MGAT5B: variants seen among roughly 807,000 people sequenced by gnomAD.
The protein encoded by MGAT5B is alpha-1,6-mannosylglycoprotein 6-beta-N-acetylglucosaminyltransferase B.
A neutral mutation model predicts 95.1 loss-of-function variants in MGAT5B; 54 were observed. The observed-to-expected ratio is 0.57, with a 90% CI of 0.46 to 0.71. MGAT5B has a LOEUF of 0.71. Ranked by LOEUF, MGAT5B falls within the 30% of genes least tolerant of loss-of-function variation. The probability of loss-of-function intolerance (pLI) is 0.00; values close to 1 mark genes in which losing one functional copy is unlikely to be tolerated. For synonymous variants in MGAT5B, 464 were observed against 451.0 expected (o/e 1.03, Z -0.36); for missense variants, 935 against 1,088.6 (o/e 0.86, Z 1.99).
At chr17:76,932,885 C>G in intron 11 of MGAT5B, 110 bp downstream of exon 11, 2 of 1,456,764 alleles carry the variant, frequency 1.4e-6, no homozygotes, top group African/African-American at 1.4e-5. Flanking sequence ...CGCCCCAGCC[C>G]TGCATGCTGG....
intron 3 of MGAT5B, among the ~76,000 whole-genome samples, chr17:76,891,220 C>G (rs1967856157): frequency 6.6e-6 from 1 of 152,020 alleles, no homozygotes; most frequent in Non-Finnish European, 1.5e-5. Context: ...CTGCCTTGGC[C>G]TCTCAAACTG....
At chr17:76,875,636 G>A (rs913308327) in intron 2 of MGAT5B, among the ~76,000 whole-genome samples, 1 of 136,846 alleles carries the variant, frequency 7.3e-6, no homozygotes, top group Non-Finnish European at 1.5e-5. Flanking sequence ...TCTTGTATGC[G>A]GTTGTAGTCA....
In MGAT5B at chr17:76,904,365, G is replaced by C. The variant is rs1968439068; in HGVS notation, c.633G>C (p.Leu211=). ...LSEVEWFCPP[L]PWRNQTAAQR... ...AGGTCGAGTGGTTCTGCCCCCCGCT[G>C]CCCTGGAGGAACCAGACGGCTGCCC... The change falls in exon 6 of 18, where the codon CTG becomes CTC. Residue 211 remains leucine (L), a synonymous_variant. Transcript: ENST00000569840. 1 of 1,583,902 alleles carries C rather than the reference G, an allele frequency of 6.3e-7. No homozygotes were observed. Among genetic ancestry groups the C allele is most frequent in the Non-Finnish European group, 8.6e-7 (1 of 1,165,226 alleles).
At chr17:76,922,686 C>T (rs963849515) in intron 8 of MGAT5B, among the ~76,000 whole-genome samples, 1 of 152,198 alleles carries the variant, frequency 6.6e-6, no homozygotes, top group African/African-American at 2.4e-5. Context: ...GCTGAAGAGG[C>T]AGGCACTGCC....
intron 8 of MGAT5B, among the ~76,000 whole-genome samples, chr17:76,919,955 T>G (rs566938916): frequency 6.3e-4 from 96 of 152,322 alleles, no homozygotes; most frequent in African/African-American, 2.2e-3. Flanking sequence ...TGGATTAATT[T>G]GGGCACAGTG....
rs754324770 is a variant in MGAT5B at position 76,925,096 on chromosome 17, C to G, written c.1156C>G (p.Arg386Gly). ...RHMGLSFKKY[R>G]CRIRVIDTFG... ...CATGGGACTCTCCTTCAAGAAGTAC[C>G]GGTGAGAGGGCGGCCAGAGGGTGGG... The change falls in exon 9 of 18, where the codon CGG becomes GGG. Residue 386 changes from arginine to glycine, a missense_variant and splice_region_variant. Physicochemically the swap from Arg to Gly is moderately radical, Grantham distance 125. Around this residue, in one of 4 missense-constraint regions of MGAT5B, gnomAD observed 243 missense variants for 305.5 expected, o/e 0.80. Transcript: ENST00000569840. 2 of 1,610,772 alleles carry G rather than the reference C, an allele frequency of 1.2e-6. No homozygotes were observed. Among genetic ancestry groups the G allele is most frequent in the East Asian group, 2.2e-5 (1 of 44,716 alleles).
At position 76,893,046 on chromosome 17, in the gene MGAT5B, C is replaced by T. The variant is rs111715635; in HGVS notation, c.330-9509C>T. Among the ~76,000 whole-genome samples, 641 of 152,240 alleles carry T rather than the reference C, an allele frequency of 4.2e-3. 8 individuals carry two copies. In the South Asian group the frequency reaches 0.049, roughly 12 times the overall value. On this transcript the variant is annotated intron_variant, in intron 3 of 17. Coordinates refer to ENST00000569840, the MANE Select transcript of MGAT5B (RefSeq NM_001199172.2). Reference sequence around the variant, plus strand: ...TTCTAATGTGTGGGTGTGGACATCCCGGAGCTGCCCAGCTCACCTGTTACT... The same window carrying T: ...TTCTAATGTGTGGGTGTGGACATCCTGGAGCTGCCCAGCTCACCTGTTACT...
Position 76,903,860 on chromosome 17 carries a change from GC to G in MGAT5B, c.520-389del, listed in dbSNP as rs891095836. On this transcript the variant is annotated intron_variant, in intron 5 of 17. Transcript: ENST00000569840. ...TCTGGGATCACTGCAGGTGGATCCC[GC>G]CCTGGCTCCAGCCCTGGCCGCCTTG... Among the ~76,000 whole-genome samples the G allele has an allele frequency of 3.9e-5, 6 of 152,324 alleles. No individual in the cohort carries two copies. In the East Asian group the frequency reaches 1.2e-3, roughly 29 times the overall value.
chr17:76,942,040 A>G (rs1732517250), intron 15 of MGAT5B, among the ~76,000 whole-genome samples: 1 of 152,196 alleles, frequency 6.6e-6, no homozygotes, highest in South Asian at 2.1e-4. Flanking sequence ...AGGTGGAGTC[A>G]CCGGTGACGG....
At position 76,929,638 on chromosome 17, in the gene MGAT5B, C is replaced by G. The variant is rs377240582; in HGVS notation, c.1291+2908C>G. Among the ~76,000 whole-genome samples the G allele has an allele frequency of 3.9e-5, 6 of 152,176 alleles. No homozygotes were observed. In the East Asian group the frequency reaches 9.6e-4, roughly 24 times the overall value. ...GAGAACATTAATTGATTGGATAAAT[C>G]GAAGAAAGTGGGGACAAAAGGGAAG... On this transcript the variant is annotated intron_variant, in intron 10 of 17. Transcript: ENST00000569840.
At chr17:76,919,630 C>T (rs1249533387) in intron 8 of MGAT5B, among the ~76,000 whole-genome samples, 1 of 152,140 alleles carries the variant, frequency 6.6e-6, no homozygotes, top group African/African-American at 2.4e-5. Context: ...GGGGTTTCGC[C>T]ATGTCATCCA....
intron 2 of MGAT5B, among the ~76,000 whole-genome samples, chr17:76,879,897 A>G (rs551961832): frequency 6.6e-6 from 1 of 152,328 alleles, no homozygotes; most frequent in Admixed American, 6.5e-5. Flanking sequence ...GTTATGAGCG[A>G]TGGCTCACCA....
At chr17:76,896,928 T>TC (rs914026229) in intron 3 of MGAT5B, among the ~76,000 whole-genome samples, 9 of 149,114 alleles carry the variant, frequency 6.0e-5, no homozygotes, top group Admixed American at 2.7e-4. Flanking sequence ...TCTCTCTCTC[T>TC]TTTTTTTTTA....
rs1433325578 is a variant in MGAT5B, at chr17:76,889,209, C to T, written c.329+6911C>T. 1.3e-5 allele frequency among the ~76,000 whole-genome samples: 2 copies of T among 152,090 alleles called. No individual in the cohort carries two copies. Among genetic ancestry groups the T allele is most frequent in the African/African-American group, 4.8e-5 (2 of 41,404 alleles). On this transcript the variant is annotated intron_variant, in intron 3 of 17. Transcript: ENST00000569840. The surrounding 1 kb of genome is among the most constrained non-coding windows in gnomAD (Gnocchi z 4.4). ...AGGGGCAGTGTCAGCCCTGGGAGCT[C>T]GCCGTGTGACCTTGGGAAAGCCACT...
At chr17:76,872,435 G>T (rs1967041973) in intron 1 of MGAT5B, among the ~76,000 whole-genome samples, 1 of 152,232 alleles carries the variant, frequency 6.6e-6, no homozygotes, top group Admixed American at 6.5e-5. Flanking sequence ...CAGCTTGCTT[G>T]CTCCACCCCA....
intron 16 of MGAT5B, among the ~76,000 whole-genome samples, chr17:76,946,675 G>A (rs914556311): frequency 6.6e-6 from 1 of 152,250 alleles, no homozygotes; most frequent in African/African-American, 2.4e-5. Flanking sequence ...TGCTGTCTGG[G>A]CCCAGCCTTA....
At chr17:76,890,021 C>T (rs142361338) in intron 3 of MGAT5B, among the ~76,000 whole-genome samples, 134 of 152,344 alleles carry the variant, frequency 8.8e-4, no homozygotes, top group African/African-American at 3.0e-3. Flanking sequence ...TTGGCCATGC[C>T]GTGGGTGGTC....
rs572160773 is a variant in MGAT5B at position 76,906,300 on chromosome 17, C to T, written c.1025+113C>T. On this transcript the variant is annotated intron_variant, in intron 8 of 17. Transcript: ENST00000569840. The surrounding 1 kb of genome is among the most constrained non-coding windows in gnomAD (Gnocchi z 4.6). ...GCACCTGCTCTGCCTGCAGGTCCCA[C>T]GGCCCTGAGACCCTGGGAGACATCC... is the stretch of plus-strand genomic sequence containing the variant. 1.4e-4 allele frequency: 138 copies of T among 1,016,814 alleles called. 2 individuals are homozygous for T. In the South Asian group the frequency reaches 1.7e-3, roughly 13 times the overall value. The allele number at this position is 1,016,814 out of a possible 1,614,324, so 63.0% of individuals were successfully genotyped here. A position where few individuals can be genotyped will look rare whatever the true frequency, so the allele number is the denominator to read the frequency against.
In MGAT5B at chr17:76,948,964, CT is replaced by C; in HGVS notation, c.*128del. 1 of 1,129,500 alleles carries C rather than the reference CT, an allele frequency of 8.9e-7. No individual in the cohort carries two copies. Among genetic ancestry groups the C allele is most frequent in the Non-Finnish European group, 1.2e-6 (1 of 814,678 alleles). 70.0% of individuals were successfully genotyped at this position (1,129,500 alleles called of 1,614,324 possible). A position where few individuals can be genotyped will look rare whatever the true frequency, so the allele number is the denominator to read the frequency against. The stretch of plus-strand genomic sequence containing the variant: ...ACCCCCCCAGGCCGGAGCTTCCTTC[CT>C]TAGCCGGGAAGCTGGCAGAGGAGAG... On this transcript the variant is annotated 3_prime_UTR_variant, in exon 18 of 18. Coordinates refer to ENST00000569840, the MANE Select transcript of MGAT5B (RefSeq NM_001199172.2).
Sources: allele counts gnomAD v4.1 joint callset (sites outside exome capture counted in the v4.1 genomes callset), GRCh38; gene constraint gnomAD v4.1.1; regional missense constraint gnomAD v4.1.1; non-coding constraint Gnocchi (gnomAD v3.1); transcripts MANE v1.5; gene names NCBI Gene and HGNC (gene_info 2026-07-23, HGNC 2026-07-21).